ZNF18: variants seen among roughly 807,000 people sequenced by gnomAD.
The protein encoded by ZNF18 is zinc finger protein 18.
Under a neutral mutation model 58.1 loss-of-function variants are expected in ZNF18, and 42 were observed. The ratio of observed to expected loss-of-function variants is 0.72; its 90% CI spans 0.56 to 0.93. ZNF18 has a LOEUF of 0.93. Among genes scored for constraint, ZNF18 ranks in the 40% least tolerant of loss-of-function variants. The pLI is 0.00. For missense variants in ZNF18, 540 were observed against 644.2 expected, an observed-to-expected ratio of 0.84 and a Z score of 1.75; for synonymous variants, 231 against 239.8, an observed-to-expected ratio of 0.96 and a Z score of 0.34.
chr17:11,992,843 A>T lies in ZNF18; in HGVS notation c.-14T>A. 1.2e-6 allele frequency: 2 copies of T among 1,600,950 alleles called. No individual in the cohort carries two copies. Among genetic ancestry groups the T allele is most frequent in the Non-Finnish European group, 1.7e-6 (2 of 1,174,934 alleles). ...GTCAACGGGCATTGTCCAGCCTGGC[A>T]AGTCCTTTTAAGTAAAGTGCTTCTG... On this transcript the variant is annotated 5_prime_UTR_variant, in exon 2 of 7. Transcript: ENST00000580306.
chr17:11,991,222 G>C (rs1968105821), intron 2 of ZNF18, 59 bp from the exon 3 acceptor site: 1 of 1,448,566 alleles, frequency 6.9e-7, no homozygotes, highest in African/African-American at 1.4e-5. Flanking sequence ...ATCTCTAAAA[G>C]ACACAAAGCT....
At chr17:12,016,630 CTT>C in the ZNF18 span, among the ~76,000 whole-genome samples, 3 of 145,486 alleles carry the variant, frequency 2.1e-5, no homozygotes, top group African/African-American at 2.5e-5. Context: ...GTGCCCAGTC[CTT>C]TTTTTTTTTG....
chr17:12,018,183 C>T, the ZNF18 span, among the ~76,000 whole-genome samples: 1 of 152,212 alleles, frequency 6.6e-6, no homozygotes, highest in Non-Finnish European at 1.5e-5. Context: ...GCTGGTTATT[C>T]ATATGTATTG....
upstream of ZNF18, chr17:11,997,486 G>T (rs1270821294): frequency 1.3e-5 from 2 of 152,238 alleles, no homozygotes; most frequent in Non-Finnish European, 2.9e-5. Flanking sequence ...GGCTGCGCGC[G>T]CCTCAGGCGG....
At chr17:11,991,654 G>A (rs1419264028) in intron 2 of ZNF18, among the ~76,000 whole-genome samples, 3 of 152,134 alleles carry the variant, frequency 2.0e-5, no homozygotes, top group Non-Finnish European at 4.4e-5. Flanking sequence ...GTAATTTCTT[G>A]AGGGACAGGT....
intron 4 of ZNF18, among the ~76,000 whole-genome samples, chr17:11,989,449 G>A (rs971896422): frequency 1.3e-5 from 2 of 152,106 alleles, no homozygotes; most frequent in African/African-American, 4.8e-5. Context: ...AGTAGATAAG[G>A]ATATTAATAC....
chr17:11,984,036 T>A (rs756276756), intron 5 of ZNF18, 77 bp downstream of exon 5: 146 of 1,373,266 alleles, frequency 1.1e-4, no homozygotes, highest in Admixed American at 1.9e-4. Flanking sequence ...AGCAGATGTC[T>A]CTATAAGTGC....
chr17:11,990,974 C>A lies in ZNF18; in HGVS notation c.577G>T (p.Ala193Ser). 1 of 1,613,084 alleles carries A rather than the reference C, an allele frequency of 6.2e-7. No individual in the cohort carries two copies. Among genetic ancestry groups the A allele is most frequent in the Admixed American group, 1.7e-5 (1 of 59,972 alleles). The change falls in exon 3 of 7, where the codon GCC becomes TCC. Residue 193 changes from alanine to serine, a missense_variant and splice_region_variant. Transcript: ENST00000580306. The stretch of plus-strand genomic sequence containing the variant: ...GAACACCACACAGCACCATCCTCAC[C>A]TAGTTCTGCTTCTGTGTCAGATTCC... The part of the protein sequence containing the change: ...KEESDTEAEL[A>S]LAASQPARLE...
the ZNF18 span, chr17:12,020,686 A>T: frequency 2.8e-6 from 1 of 354,578 alleles, no homozygotes; most frequent in Non-Finnish European, 5.1e-6. Context: ...CAGGTCGCGC[A>T]CCCAGAGCCG....
intron 6 of ZNF18, among the ~76,000 whole-genome samples, chr17:11,979,393 G>A (rs749591685): frequency 1.3e-5 from 2 of 152,120 alleles, no homozygotes; most frequent in Non-Finnish European, 2.9e-5. Flanking sequence ...TTCATAAGAC[G>A]CCCAAAATCT....
chr17:12,011,468 C>T, the ZNF18 span, among the ~76,000 whole-genome samples: 7 of 152,028 alleles, frequency 4.6e-5, no homozygotes, highest in African/African-American at 1.7e-4. Flanking sequence ...TCACTGCAAC[C>T]TCTGACTTCC....
the ZNF18 span, among the ~76,000 whole-genome samples, chr17:12,016,207 T>C: frequency 6.6e-6 from 1 of 152,344 alleles, no homozygotes; most frequent in African/African-American, 2.4e-5. Flanking sequence ...TGACCCAAAC[T>C]CTTATCAAGG....
the ZNF18 span, chr17:12,011,128 T>A: frequency 1.6e-6 from 1 of 641,004 alleles, no homozygotes; most frequent in Middle Eastern, 4.0e-4. Flanking sequence ...TTCTTCTAGA[T>A]TCGCCTGTGC....
the ZNF18 span, among the ~76,000 whole-genome samples, chr17:12,013,592 A>C: frequency 6.6e-6 from 1 of 152,156 alleles, no homozygotes; most frequent in Non-Finnish European, 1.5e-5. Flanking sequence ...AAAGTATTTG[A>C]GTCTATTTCT....
upstream of ZNF18, among the ~76,000 whole-genome samples, chr17:12,000,372 CAG>C (rs1199265289): frequency 6.6e-6 from 1 of 152,118 alleles, no homozygotes; most frequent in African/African-American, 2.4e-5. Flanking sequence ...AGCAGGAAAA[CAG>C]AGAGTGGTAT....
rs1476172125 is a variant in ZNF18, at chr17:11,992,681, T to C, written c.149A>G (p.Gln50Arg). The C allele has an allele frequency of 1.9e-6, 3 of 1,614,224 alleles. No homozygotes were observed. In the Admixed American group the frequency reaches 5.0e-5, roughly 27 times the overall value. ...GGTCTCATGAGGCCCAGACATCACC[T>C]GGTAACGGAACTGCCTGAAAAGCTG... ...ARQLFRQFRY[Q>R]VMSGPHETLK... The change falls in exon 2 of 7, where the codon CAG becomes CGG. Residue 50 changes from glutamine (Q) to arginine (R), a missense_variant. By Grantham distance (43) the Gln-to-Arg change is conservative. Transcript: ENST00000580306.
chr17:12,019,733 G>C, the ZNF18 span, among the ~76,000 whole-genome samples: 5 of 152,184 alleles, frequency 3.3e-5, no homozygotes, highest in African/African-American at 1.2e-4. Context: ...TTTGACCCAG[G>C]ACACATTTCC....
chr17:11,978,141 T>C lies in ZNF18; in HGVS notation c.1466A>G (p.Glu489Gly). Residue 489 changes from glutamate to glycine, a missense_variant, in exon 7 of 7, where the codon GAG (glutamate) becomes GGG (glycine). Glu to Gly is a moderately conservative substitution (Grantham distance 98, BLOSUM62 -2). Transcript: ENST00000580306. The stretch of plus-strand genomic sequence containing the variant: ...ACAGATAGGACATTTATAGGGTTTC[T>C]CTCCTGTGTGGATTTTCTCGTGGTG... ...LRHHEKIHTG[E>G]KPYKCPICEK... 1 of 1,614,202 alleles carries C rather than the reference T, an allele frequency of 6.2e-7. No individual in the cohort carries two copies. Among genetic ancestry groups the C allele is most frequent in the African/African-American group, 1.3e-5 (1 of 75,044 alleles).
At chr17:12,019,954 T>C in the ZNF18 span, among the ~76,000 whole-genome samples, 1 of 152,212 alleles carries the variant, frequency 6.6e-6, no homozygotes, top group African/African-American at 2.4e-5. Context: ...TCGAGTACAT[T>C]ATGGTTGGCT....
Sources: allele counts gnomAD v4.1 joint callset (sites outside exome capture counted in the v4.1 genomes callset), GRCh38; gene constraint gnomAD v4.1.1; transcripts MANE v1.5; gene names NCBI Gene and HGNC (gene_info 2026-07-23, HGNC 2026-07-21).